PCED1B: variants seen among roughly 807,000 people sequenced by gnomAD.
The protein encoded by PCED1B is PC-esterase domain-containing protein 1B.
For synonymous variants in PCED1B, 251 were observed against 246.1 expected (o/e 1.02, Z -0.19); for missense variants, 573 against 573.9 (o/e 1.00, Z 0.02).
At chr12:47,106,530 G>A (rs1938956000) in intron 2 of PCED1B, among the ~76,000 whole-genome samples, 1 of 152,068 alleles carries the variant, frequency 6.6e-6, no homozygotes, top group Non-Finnish European at 1.5e-5. Context: ...TGAAGTCATG[G>A]AAAAGCATCA....
intron 2 of PCED1B, among the ~76,000 whole-genome samples, chr12:47,190,442 C>T (rs1942407305): frequency 6.6e-6 from 1 of 152,208 alleles, no homozygotes; most frequent in Non-Finnish European, 1.5e-5. Context: ...CTTTCTTCCT[C>T]CAGCTCCCTG....
At chr12:47,111,047 G>T (rs1939173211) in intron 2 of PCED1B, among the ~76,000 whole-genome samples, 1 of 152,204 alleles carries the variant, frequency 6.6e-6, no homozygotes, top group African/African-American at 2.4e-5. Context: ...TGCTTTGTAA[G>T]TGGTCTGATT....
chr12:47,163,957 A>G (rs140448303), intron 2 of PCED1B, among the ~76,000 whole-genome samples: 118 of 152,290 alleles, frequency 7.7e-4, no homozygotes, highest in African/African-American at 2.8e-3. Context: ...CTTTCTGGTA[A>G]ATAATTCCAT....
At position 47,102,569 on chromosome 12, in the gene PCED1B, A is replaced by G. The variant is rs542680279; in HGVS notation, c.-608-1544A>G. Among the ~76,000 whole-genome samples, 4 of 152,248 alleles carry G rather than the reference A, an allele frequency of 2.6e-5. No individual in the cohort carries two copies. The East Asian group carries it at 7.7e-4, about 29-fold the overall frequency. On this transcript the variant is annotated intron_variant, in intron 1 of 3. Coordinates refer to ENST00000546455, the MANE Select transcript of PCED1B (RefSeq NM_138371.3). ...TATTAGGTTGAGCCATAAAACTGCC[A>G]TTTTTGGTCAGGAATGATTTACCAC...
intron 3 of PCED1B, among the ~76,000 whole-genome samples, chr12:47,222,129 A>C (rs1325543950): frequency 2.0e-5 from 3 of 146,370 alleles, no homozygotes; most frequent in African/African-American, 7.6e-5. Context: ...AAAAAAAAAA[A>C]AAAAAAACGC....
rs11317506 is a variant in PCED1B at position 47,183,014 on chromosome 12, C to CT, written c.-525-33197dup. Among the ~76,000 whole-genome samples the CT allele has an allele frequency of 4.2e-4, 62 of 147,612 alleles. 1 individual carries two copies. Among genetic ancestry groups the CT allele is most frequent in the East Asian group, 1.2e-3 (6 of 5,088 alleles). On this transcript the variant is annotated intron_variant, in intron 2 of 3. Transcript: ENST00000546455. The stretch of plus-strand genomic sequence containing the variant: ...AATTAGAATGGCTTCAGGGGTCTCT[C>CT]TTTTTTTTTTTGGCAATGATTCAAA...
intron 2 of PCED1B, among the ~76,000 whole-genome samples, chr12:47,160,945 G>A (rs556010043): frequency 1.3e-5 from 2 of 152,164 alleles, no homozygotes; most frequent in Non-Finnish European, 2.9e-5. Context: ...GAATGGATTA[G>A]TTCCTACAAG....
At chr12:47,100,911 T>C (rs1311699512) in intron 1 of PCED1B, among the ~76,000 whole-genome samples, 2 of 151,534 alleles carry the variant, frequency 1.3e-5, no homozygotes, top group Admixed American at 1.3e-4. Flanking sequence ...CTATTAAAAA[T>C]AAAAAAAATT....
At chr12:47,101,004 A>G (rs928359793) in intron 1 of PCED1B, among the ~76,000 whole-genome samples, 2 of 152,004 alleles carry the variant, frequency 1.3e-5, no homozygotes, top group African/African-American at 4.8e-5. Context: ...CGGGAGGTGG[A>G]GGTTGCAGTG....
intron 2 of PCED1B, among the ~76,000 whole-genome samples, chr12:47,185,076 A>T (rs1042550787): frequency 1.3e-5 from 2 of 152,180 alleles, no homozygotes; most frequent in Non-Finnish European, 1.5e-5. Context: ...GTAGCCTCAT[A>T]GTCACAAGAT....
chr12:47,144,168 T>TGA (rs1484455389), intron 2 of PCED1B, among the ~76,000 whole-genome samples: 1 of 152,214 alleles, frequency 6.6e-6, no homozygotes, highest in East Asian at 1.9e-4. Flanking sequence ...AGTGGTGGGT[T>TGA]GAGCCACACC....
At chr12:47,218,669 C>CTT (rs59140565) in intron 3 of PCED1B, among the ~76,000 whole-genome samples, 12 of 128,392 alleles carry the variant, frequency 9.3e-5, no homozygotes, top group South Asian at 2.5e-4. Context: ...AATTTTTTTT[C>CTT]TTTTTTTTTT....
chr12:47,227,799 G>A (rs1365854271), intron 3 of PCED1B, among the ~76,000 whole-genome samples: 1 of 151,896 alleles, frequency 6.6e-6, no homozygotes, highest in Non-Finnish European at 1.5e-5. Context: ...GTTTCAGTGA[G>A]CTGAGATCTC....
At chr12:47,124,923 C>G (rs1939826495) in intron 2 of PCED1B, among the ~76,000 whole-genome samples, 1 of 151,864 alleles carries the variant, frequency 6.6e-6, no homozygotes, top group South Asian at 2.1e-4. Context: ...AGGTTCTTAA[C>G]AGGTAAGTGA....
chr12:47,207,167 G>A (rs995290909), intron 2 of PCED1B, among the ~76,000 whole-genome samples: 2 of 152,192 alleles, frequency 1.3e-5, no homozygotes, highest in African/African-American at 4.8e-5. Flanking sequence ...GGAGCCCCAT[G>A]GTCAATGCAC....
intron 3 of PCED1B, among the ~76,000 whole-genome samples, chr12:47,218,284 G>A (rs1943364304): frequency 6.6e-6 from 1 of 152,168 alleles, no homozygotes; most frequent in Non-Finnish European, 1.5e-5. Flanking sequence ...AATGTGAGAA[G>A]TTAGTCGGTG....
At chr12:47,158,992 A>C (rs1043803233) in intron 2 of PCED1B, among the ~76,000 whole-genome samples, 6 of 152,202 alleles carry the variant, frequency 3.9e-5, no homozygotes, top group Admixed American at 1.3e-4. Flanking sequence ...GAGTAAGAAC[A>C]TGCAATATTT....
At chr12:47,139,750 A>T (rs1025152191) in intron 2 of PCED1B, among the ~76,000 whole-genome samples, 1 of 151,812 alleles carries the variant, frequency 6.6e-6, no homozygotes, top group Admixed American at 6.6e-5. Flanking sequence ...TTTTGTGTAC[A>T]TGGGTTTGAT....
At chr12:47,218,984 T>G (rs1057023789) in intron 3 of PCED1B, among the ~76,000 whole-genome samples, 1 of 151,972 alleles carries the variant, frequency 6.6e-6, no homozygotes, top group South Asian at 2.1e-4. Flanking sequence ...CTACTAAAAA[T>G]AGAACAATTA....
Sources: allele counts gnomAD v4.1 joint callset (sites outside exome capture counted in the v4.1 genomes callset), GRCh38; gene constraint gnomAD v4.1.1; transcripts MANE v1.5; gene names NCBI Gene and HGNC (gene_info 2026-07-23, HGNC 2026-07-21).